Variants in ATXN7 observed in about 807,000 individuals in gnomAD.
ATXN7 encodes the protein ataxin-7.
Under a neutral mutation model 70.5 loss-of-function variants are expected in ATXN7, and 12 were observed. The ratio of observed to expected loss-of-function variants is 0.17; its 90% confidence interval spans 0.11 to 0.28. The LOEUF is 0.28. Ranked by LOEUF, ATXN7 falls within the 10% of genes least tolerant of loss-of-function variation. The pLI is 1.00. For missense variants in ATXN7, 1,256 were observed against 1,131.7 expected, an observed-to-expected ratio of 1.11 and a Z score of -1.58; for synonymous variants, 498 against 448.7, an observed-to-expected ratio of 1.11 and a Z score of -1.39.
At chr3:63,947,952 T>A (rs1193468787) in intron 4 of ATXN7, among the ~76,000 whole-genome samples, 2 of 152,106 alleles carry the variant, frequency 1.3e-5, no homozygotes, top group African/African-American at 4.8e-5. Context: ...AGTGCAGGTA[T>A]ATCTGGCAGG....
chr3:63,912,086 A>G (rs1300937054), intron 2 of ATXN7: 1 of 152,126 alleles, frequency 6.6e-6, no homozygotes, highest in East Asian at 1.9e-4. Context: ...TCTCCGCTTA[A>G]GGGAGCCGGC....
intron 5 of ATXN7, among the ~76,000 whole-genome samples, chr3:63,968,727 G>C (rs1198736133): frequency 2.0e-5 from 3 of 152,154 alleles, no homozygotes; most frequent in Admixed American, 6.5e-5. Context: ...GAGCTAAGCT[G>C]ATTCTTGGGT....
Position 63,997,749 on chromosome 3 carries a change from C to T in ATXN7, c.2661+1266C>T, listed in dbSNP as rs2075783380. ...CGTCTTCAGAACTTAACTCAAATGCCAGCCGGGTTAGGACTTTTTCAGAAA... is the reference window on the plus strand; with the variant it reads ...CGTCTTCAGAACTTAACTCAAATGCTAGCCGGGTTAGGACTTTTTCAGAAA... On this transcript the variant is annotated intron_variant, in intron 12 of 12. Transcript: ENST00000674280. 3.9e-6 allele frequency: 6 copies of T among 1,539,414 alleles called. No homozygotes were observed. The East Asian group carries it at 9.8e-5, about 25-fold the overall frequency.
intron 12 of ATXN7, chr3:63,997,570 C>G: frequency 6.7e-7 from 1 of 1,487,468 alleles, no homozygotes; most frequent in Non-Finnish European, 9.2e-7. Context: ...CTTCCAGCTT[C>G]CTTTGCTCTA....
intron 5 of ATXN7, among the ~76,000 whole-genome samples, chr3:63,974,262 C>T (rs1193930590): frequency 6.6e-6 from 1 of 152,202 alleles, no homozygotes; most frequent in African/African-American, 2.4e-5. Flanking sequence ...TTCCCTTAAA[C>T]ATATTCTGGA....
chr3:63,970,438 A>G (rs1020315061), intron 5 of ATXN7, among the ~76,000 whole-genome samples: 1 of 152,162 alleles, frequency 6.6e-6, no homozygotes, highest in African/African-American at 2.4e-5. Context: ...CTCATAGCTG[A>G]GGTGATCAAC....
chr3:63,948,094 G>T (rs1262552541), intron 4 of ATXN7, among the ~76,000 whole-genome samples: 2 of 152,160 alleles, frequency 1.3e-5, no homozygotes, highest in Non-Finnish European at 1.5e-5. Context: ...CTTGTGGAAA[G>T]GTTTGTAGAC....
chr3:63,896,995 C>T (rs181144246), intron 1 of ATXN7, among the ~76,000 whole-genome samples: 10 of 152,340 alleles, frequency 6.6e-5, no homozygotes, highest in Non-Finnish European at 7.3e-5. Context: ...GTTCTGCCTT[C>T]ACCTTCTGTC....
chr3:63,952,864 TTTA>T, intron 5 of ATXN7, among the ~76,000 whole-genome samples: 2 of 137,278 alleles, frequency 1.5e-5, no homozygotes, highest in Middle Eastern at 4.2e-3. Context: ...TTTTTTTTTT[TTTA>T]AGGAAATGTG....
chr3:63,977,341 A>G (rs904686687), intron 5 of ATXN7, among the ~76,000 whole-genome samples: 3 of 152,224 alleles, frequency 2.0e-5, no homozygotes, highest in Admixed American at 1.3e-4. Context: ...TTATCTAATC[A>G]TTTGATCTTC....
rs558438394 is a variant in ATXN7, at chr3:64,001,999, C to T, written c.*2532C>T. 53 of 147,610 alleles carry T rather than the reference C, an allele frequency of 3.6e-4. No individual in the cohort carries two copies. Among genetic ancestry groups the T allele is most frequent in the Middle Eastern group, 3.5e-3 (1 of 282 alleles). 9.1% of individuals were successfully genotyped at this position (147,610 alleles called of 1,614,324 possible). On this transcript the variant is annotated 3_prime_UTR_variant, in exon 13 of 13. Transcript: ENST00000674280. ...ATGACAACTCCTGCAGTTTTCTTAA[C>T]CTACAAAAAAAAAAAAAAAGTGCTG...
At chr3:63,949,222 G>C (rs879567553) in intron 4 of ATXN7, among the ~76,000 whole-genome samples, 5 of 149,886 alleles carry the variant, frequency 3.3e-5, no homozygotes, top group Non-Finnish European at 5.9e-5. Flanking sequence ...AAGGCCCCTG[G>C]AATGTCCCAG....
In ATXN7 at chr3:63,920,210, T is replaced by C. The variant is rs541201326; in HGVS notation, c.394+6985T>C. On this transcript the variant is annotated intron_variant, in intron 4 of 12. Transcript: ENST00000674280. ...AATTCATGGAGACCATGCACATGTT[T>C]CCATGTGCACAGTAGGATGGGGTTC... 1.1e-4 allele frequency among the ~76,000 whole-genome samples: 17 copies of C among 152,256 alleles called. No homozygotes were observed. The South Asian group carries it at 3.5e-3, about 32-fold the overall frequency.
intron 4 of ATXN7, among the ~76,000 whole-genome samples, chr3:63,919,654 G>T (rs1338042297): frequency 1.3e-5 from 2 of 151,310 alleles, no homozygotes; most frequent in Non-Finnish European, 2.9e-5. Flanking sequence ...CAATGTGCAG[G>T]TTTGTTACAT....
At chr3:63,968,248 G>A (rs1036960006) in intron 5 of ATXN7, 3 of 386,108 alleles carry the variant, frequency 7.8e-6, no homozygotes, top group Non-Finnish European at 1.4e-5. Context: ...GCTGCAAGCT[G>A]TCCACAGAAG....
intron 4 of ATXN7, among the ~76,000 whole-genome samples, chr3:63,936,490 A>G (rs1316384843): frequency 2.6e-5 from 4 of 152,242 alleles, no homozygotes; most frequent in Non-Finnish European, 4.4e-5. Context: ...ATCATTAGAT[A>G]TACAGTAAGT....
chr3:63,896,868 C>T (rs1343111431), intron 1 of ATXN7, among the ~76,000 whole-genome samples: 1 of 152,152 alleles, frequency 6.6e-6, no homozygotes, highest in Non-Finnish European at 1.5e-5. Flanking sequence ...TATTCTGAAT[C>T]TGATGACTTC....
intron 2 of ATXN7, chr3:63,911,522 A>G (rs1704012509): frequency 6.6e-6 from 1 of 152,202 alleles, no homozygotes; most frequent in African/African-American, 2.4e-5. Context: ...TCAAGTTAAA[A>G]ATGAATCAGA....
intron 4 of ATXN7, among the ~76,000 whole-genome samples, chr3:63,949,959 A>G (rs2074928399): frequency 6.6e-6 from 1 of 152,226 alleles, no homozygotes; most frequent in Admixed American, 6.5e-5. Flanking sequence ...GGGAAAAACC[A>G]TGTAAGAACT....
Sources: gnomAD v4.1 joint callset for allele counts (sites outside exome capture counted in the v4.1 genomes callset) on GRCh38, gnomAD v4.1.1 for gene constraint, MANE v1.5 for transcripts, NCBI Gene and HGNC (gene_info 2026-07-23, HGNC 2026-07-21) for gene names.